Variants in NPSR1 observed in about 807,000 individuals in gnomAD.
NPSR1 encodes neuropeptide S receptor.
A neutral mutation model predicts 46.9 loss-of-function variants in NPSR1; 48 were observed. The ratio of observed to expected loss-of-function variants is 1.02; its 90% CI spans 0.81 to 1.30. The LOEUF (loss-of-function observed/expected upper bound fraction) is 1.30. Ranked by LOEUF, NPSR1 falls within the 50% of genes most tolerant of loss-of-function variation. NPSR1 has a pLI of 0.00. For synonymous variants in NPSR1, 176 were observed against 168.1 expected (o/e 1.05, Z -0.36); for missense variants, 450 against 449.5 (o/e 1.00, Z -0.01).
chr7:34,776,496 T>A (rs1786964164), intron 2 of NPSR1, among the ~76,000 whole-genome samples: 1 of 152,198 alleles, frequency 6.6e-6, no homozygotes, highest in South Asian at 2.1e-4. Flanking sequence ...GAAATCTATT[T>A]TGCCTGATAT....
chr7:34,869,646 T>A (rs529491478), intron 8 of NPSR1, among the ~76,000 whole-genome samples: 1 of 151,886 alleles, frequency 6.6e-6, no homozygotes, highest in African/African-American at 2.4e-5. Flanking sequence ...ACAGCCTCCA[T>A]CCATTCATTC....
At chr7:34,699,454 G>A (rs943522608) in intron 2 of NPSR1, among the ~76,000 whole-genome samples, 6 of 152,252 alleles carry the variant, frequency 3.9e-5, no homozygotes, top group Admixed American at 3.3e-4. Flanking sequence ...GAAGGGAGAT[G>A]TTTTAGTCTA....
chr7:34,781,432 C>A (rs114068625), intron 3 of NPSR1, among the ~76,000 whole-genome samples: 1 of 152,076 alleles, frequency 6.6e-6, no homozygotes, highest in Admixed American at 6.6e-5. Context: ...TGGAGAATAA[C>A]CACATAGAAA....
chr7:34,678,825 C>CAAA (rs61537015), intron 1 of NPSR1, among the ~76,000 whole-genome samples: 4 of 139,826 alleles, frequency 2.9e-5, no homozygotes, highest in Admixed American at 7.2e-5. Context: ...GACTCTGTCT[C>CAAA]AAAAAAAAGA....
chr7:34,804,767 TA>T (rs1364403118), intron 3 of NPSR1, among the ~76,000 whole-genome samples: 2 of 151,882 alleles, frequency 1.3e-5, no homozygotes, highest in South Asian at 4.1e-4. Context: ...TTTTCTATAT[TA>T]AAATCTGAAA....
intron 2 of NPSR1, among the ~76,000 whole-genome samples, chr7:34,763,653 A>C (rs1410289693): frequency 6.6e-6 from 1 of 152,340 alleles, no homozygotes; most frequent in African/African-American, 2.4e-5. Context: ...TTAAACCTTG[A>C]GGAAATGGAT....
chr7:34,849,329 T>G lies in NPSR1; in HGVS notation c.1026-236T>G, dbSNP rs773180692. 3.2e-6 allele frequency: 5 copies of G among 1,547,964 alleles called. No individual in the cohort carries two copies. In the South Asian group the frequency reaches 6.0e-5, roughly 18 times the overall value. On this transcript the variant is annotated intron_variant, in intron 8 of 8. Coordinates refer to ENST00000360581, the MANE Select transcript of NPSR1 (RefSeq NM_207172.2). ...TTCTTCATCTGTAAAACAGGGCTAATAGCAGTGTCTACCTGTTGGCCTGTG... is the reference window on the plus strand; with the variant it reads ...TTCTTCATCTGTAAAACAGGGCTAAGAGCAGTGTCTACCTGTTGGCCTGTG...
At position 34,755,071 on chromosome 7, in the gene NPSR1, A is replaced by C. The variant is rs190882255; in HGVS notation, c.281-23391A>C. Among the ~76,000 whole-genome samples, 319 of 152,344 alleles carry C rather than the reference A, an allele frequency of 2.1e-3. 2 individuals carry two copies. The highest frequency in any genetic ancestry group is 1.9e-3 in the Non-Finnish European group (132 of 68,032). On this transcript the variant is annotated intron_variant, in intron 2 of 8. Transcript: ENST00000360581. Reference sequence around the variant, plus strand: ...GGTTTTTACCTTTTGGCTCTTAGGAATAAAATGCTGCTATAAACATTCATG... The same window carrying C: ...GGTTTTTACCTTTTGGCTCTTAGGACTAAAATGCTGCTATAAACATTCATG...
In NPSR1 at chr7:34,827,557, C is replaced by A; in HGVS notation, c.635C>A (p.Thr212Asn). The change falls in exon 5 of 9, where the codon ACC becomes AAC. Residue 212 changes from threonine to asparagine, a missense_variant. Physicochemically the swap from Thr to Asn is moderately conservative, Grantham distance 65. Transcript: ENST00000360581. ...PDDSYWTPYM[T>N]IVAFLVYFIP... ...GACTCCTACTGGACCCCATACATGACCATCGTGGCCTTCCTGGTGTACTTC... is the reference window on the plus strand; with the variant it reads ...GACTCCTACTGGACCCCATACATGAACATCGTGGCCTTCCTGGTGTACTTC... 6.2e-7 allele frequency: 1 copy of A among 1,606,408 alleles called. No individual in the cohort carries two copies. Among genetic ancestry groups the A allele is most frequent in the African/African-American group, 1.3e-5 (1 of 74,702 alleles).
intron 1 of NPSR1, among the ~76,000 whole-genome samples, chr7:34,678,107 G>T (rs765068617): frequency 5.3e-5 from 8 of 150,872 alleles, no homozygotes; most frequent in Non-Finnish European, 1.0e-4. Context: ...ATCCAAGAAT[G>T]AAAGTTCAAC....
At chr7:34,778,022 G>A (rs1312955665) in intron 2 of NPSR1, among the ~76,000 whole-genome samples, 3 of 152,130 alleles carry the variant, frequency 2.0e-5, no homozygotes, top group Non-Finnish European at 2.9e-5. Flanking sequence ...GGCATAAGGA[G>A]AAACAAGAGG....
At chr7:34,777,672 C>A (rs1787033374) in intron 2 of NPSR1, among the ~76,000 whole-genome samples, 1 of 152,082 alleles carries the variant, frequency 6.6e-6, no homozygotes, top group Admixed American at 6.6e-5. Context: ...ATTCTGCAAC[C>A]TTGCCTGCAG....
At chr7:34,835,663 T>C (rs1044977034) in intron 6 of NPSR1, among the ~76,000 whole-genome samples, 2 of 152,106 alleles carry the variant, frequency 1.3e-5, no homozygotes, top group Non-Finnish European at 2.9e-5. Flanking sequence ...GAAGTATGAG[T>C]GGAGATACAT....
chr7:34,662,207 T>A (rs1791488693), intron 1 of NPSR1, among the ~76,000 whole-genome samples: 1 of 152,192 alleles, frequency 6.6e-6, no homozygotes, highest in Non-Finnish European at 1.5e-5. Flanking sequence ...TTATTGCGCC[T>A]CCTTCGGTGG....
chr7:34,709,153 TTTGGCGGCCTCA>T (rs1415755057), intron 2 of NPSR1, among the ~76,000 whole-genome samples: 1 of 152,122 alleles, frequency 6.6e-6, no homozygotes, highest in Non-Finnish European at 1.5e-5. Flanking sequence ...CTTTTGAGAA[TTTGGCGGCCTCA>T]TTACGTTTCT....
At chr7:34,822,200 GGAGTCATTTTAGTACCGCA>G (rs1391617225) in intron 4 of NPSR1, among the ~76,000 whole-genome samples, 1 of 152,184 alleles carries the variant, frequency 6.6e-6, no homozygotes, top group African/African-American at 2.4e-5. Context: ...GCCCAACGCG[GGAGTCATTTTAGTACCGCA>G]GCTTGTCAGA....
rs138337293 is a variant in NPSR1 at position 34,677,429 on chromosome 7, T to A, written c.148-7123T>A. Among the ~76,000 whole-genome samples, 154 of 152,354 alleles carry A rather than the reference T, an allele frequency of 1.0e-3. 1 individual carries two copies. The highest frequency in any genetic ancestry group is 3.5e-3 in the African/African-American group (144 of 41,594). On this transcript the variant is annotated intron_variant, in intron 1 of 8. Transcript: ENST00000360581. Reference sequence around the variant, plus strand: ...GAAAGAGAGATATAGTCTGAAAATGTAACGTTGACTTCCAATGCAAAACTA... The same window carrying A: ...GAAAGAGAGATATAGTCTGAAAATGAAACGTTGACTTCCAATGCAAAACTA...
At chr7:34,675,270 T>G (rs189891708) in intron 1 of NPSR1, among the ~76,000 whole-genome samples, 2 of 152,330 alleles carry the variant, frequency 1.3e-5, no homozygotes, top group South Asian at 4.1e-4. Context: ...CAGTAAGCCA[T>G]GTACTGGATT....
At chr7:34,811,502 G>C (rs1788984612) in intron 3 of NPSR1, among the ~76,000 whole-genome samples, 1 of 152,064 alleles carries the variant, frequency 6.6e-6, no homozygotes, top group Non-Finnish European at 1.5e-5. Context: ...CAACTTTTTG[G>C]GCACAAAAAC....
Sources: allele counts gnomAD v4.1 joint callset (sites outside exome capture counted in the v4.1 genomes callset), GRCh38; gene constraint gnomAD v4.1.1; transcripts MANE v1.5; gene names NCBI Gene and HGNC (gene_info 2026-07-23, HGNC 2026-07-21).